The following HMOX2 variants were observed in gnomAD, a reference collection of about 807,000 sequenced individuals.
HMOX2 encodes the protein heme oxygenase (decycling) 2.
HMOX2 carries 30 observed loss-of-function variants against 33.7 expected under a neutral mutation model. The ratio of observed to expected loss-of-function variants is 0.89; its 90% confidence interval spans 0.67 to 1.21. The LOEUF (loss-of-function observed/expected upper bound fraction) is 1.21, where lower values mean the gene tolerates loss of function less well. Ranked by LOEUF, HMOX2 falls within the 50% of genes most tolerant of loss-of-function variation. HMOX2 has a pLI of 0.00. For synonymous variants in HMOX2, 155 were observed against 155.0 expected (o/e 1.00, Z 0.00); for missense variants, 403 against 399.1 (o/e 1.01, Z -0.08).
intron 1 of HMOX2, among the ~76,000 whole-genome samples, chr16:4,489,516 G>A (rs899377337): frequency 6.6e-6 from 1 of 152,272 alleles, no homozygotes; most frequent in East Asian, 1.9e-4. Flanking sequence ...CTGGAGTGCA[G>A]TGGCACGGTC....
rs753522599 is a variant in HMOX2 at position 4,506,909 on chromosome 16, C to T, written c.101C>T (p.Ser34Leu). 5 of 1,613,376 alleles carry T rather than the reference C, an allele frequency of 3.1e-6. No individual in the cohort carries two copies. Among genetic ancestry groups the T allele is most frequent in the East Asian group, 2.2e-5 (1 of 44,874 alleles). The change falls in exon 3 of 6, where the codon TCG (serine) becomes TTG (leucine). Residue 34 changes from serine to leucine, a missense_variant. Ser to Leu is a moderately radical substitution (Grantham distance 145, BLOSUM62 -2). Coordinates refer to ENST00000570646, the MANE Select transcript of HMOX2 (RefSeq NM_002134.4). Reference protein sequence around the residue: ...KENQMRMADLSELLKEGTKEA... With the variant: ...KENQMRMADLLELLKEGTKEA... Reference sequence around the variant, plus strand: ...TCTCTCCACAGAATGGCTGACCTCTCGGAGCTCCTGAAGGAAGGGACCAAG... The same window carrying T: ...TCTCTCCACAGAATGGCTGACCTCTTGGAGCTCCTGAAGGAAGGGACCAAG...
intron 1 of HMOX2, among the ~76,000 whole-genome samples, chr16:4,499,188 G>A (rs1392899398): frequency 6.6e-6 from 1 of 152,350 alleles, no homozygotes; most frequent in East Asian, 1.9e-4. Context: ...GACTTCCTCA[G>A]TAAGAGCTCA....
intron 1 of HMOX2, among the ~76,000 whole-genome samples, chr16:4,487,667 G>A (rs1029409467): frequency 9.2e-5 from 14 of 152,240 alleles, no homozygotes; most frequent in African/African-American, 3.1e-4. Flanking sequence ...GGGCGTGGTG[G>A]CTGGCGCCTG....
intron 1 of HMOX2, among the ~76,000 whole-genome samples, chr16:4,490,238 T>G (rs2058272753): frequency 6.6e-6 from 1 of 152,190 alleles, no homozygotes; most frequent in East Asian, 1.9e-4. Flanking sequence ...AGCACAAGCT[T>G]TTTCTTGGAG....
chr16:4,507,220 G>A (rs557453583), intron 3 of HMOX2, among the ~76,000 whole-genome samples: 1 of 152,256 alleles, frequency 6.6e-6, no homozygotes, highest in African/African-American at 2.4e-5. Flanking sequence ...CGAGGCAGGT[G>A]GATCACTTGA....
chr16:4,507,878 C>G lies in HMOX2; in HGVS notation c.370C>G (p.Gln124Glu). 2 of 1,614,174 alleles carry G rather than the reference C, an allele frequency of 1.2e-6. No homozygotes were observed. Among genetic ancestry groups the G allele is most frequent in the Admixed American group, 1.7e-5 (1 of 60,022 alleles). The change falls in exon 4 of 6, where the codon CAG (glutamine) becomes GAG (glutamate). Residue 124 changes from glutamine to glutamate, a missense_variant. Physicochemically the swap from Gln to Glu is conservative, Grantham distance 29. Coordinates refer to ENST00000570646, the MANE Select transcript of HMOX2 (RefSeq NM_002134.4). Reference protein sequence around the residue: ...EYFFGENWEEQVQCPKAAQKY... With the variant: ...EYFFGENWEEEVQCPKAAQKY... ...TTTCTTTGGTGAAAACTGGGAGGAG[C>G]AGGTGCAGTGCCCCAAGGCTGCCCA... is the stretch of plus-strand genomic sequence containing the variant.
intron 2 of HMOX2, among the ~76,000 whole-genome samples, chr16:4,505,978 C>T (rs1222551346): frequency 1.3e-5 from 2 of 152,208 alleles, no homozygotes; most frequent in Non-Finnish European, 2.9e-5. Flanking sequence ...GCAGGGCAGC[C>T]TTTCCTTACT....
rs1167653526 is a variant in HMOX2 at position 4,509,810 on chromosome 16, CCT to C, written c.*55_*56del. 10 of 1,567,496 alleles carry C rather than the reference CCT, an allele frequency of 6.4e-6. No homozygotes were observed. Among genetic ancestry groups the C allele is most frequent in the Non-Finnish European group, 4.3e-6 (5 of 1,151,444 alleles). ...CCTCCCGACTGACCACTGGCCTACC[CCT>C]TTCTCCAGCCCTGACTAAACTACCA... On this transcript the variant is annotated 3_prime_UTR_variant, in exon 6 of 6. Coordinates refer to ENST00000570646, the MANE Select transcript of HMOX2 (RefSeq NM_002134.4).
At chr16:4,504,333 C>G (rs991541587) in intron 1 of HMOX2, among the ~76,000 whole-genome samples, 1 of 127,912 alleles carries the variant, frequency 7.8e-6, no homozygotes, top group Non-Finnish European at 1.7e-5. Context: ...TTGAGGTTTT[C>G]TTTGTTTTTG....
intron 1 of HMOX2, among the ~76,000 whole-genome samples, chr16:4,504,354 ATTTT>A (rs34314976): frequency 1.4e-5 from 1 of 72,884 alleles, no homozygotes; most frequent in Non-Finnish European, 2.7e-5. Context: ...GTAACTTTCA[ATTTT>A]TTTTTTTTTT....
chr16:4,487,180 GC>G (rs1376414777), intron 1 of HMOX2, among the ~76,000 whole-genome samples: 1 of 152,066 alleles, frequency 6.6e-6, no homozygotes, highest in African/African-American at 2.4e-5. Flanking sequence ...TATCACCTGA[GC>G]CCAGGAGTTG....
At chr16:4,475,424 C>T (rs1421150759), upstream of HMOX2, among the ~76,000 whole-genome samples, 3 of 151,952 alleles carry the variant, frequency 2.0e-5, no homozygotes, top group African/African-American at 7.2e-5. Flanking sequence ...TCTCCTGCCT[C>T]AGTTTCCTGA....
rs749192925 is a variant in HMOX2 at position 4,509,478 on chromosome 16, G to A, written c.763G>A (p.Val255Ile). The stretch of plus-strand genomic sequence containing the variant: ...AGAGACCTTGGAGGATGGGTTCCCT[G>A]TACACGATGGGAAAGGAGACATGCG... ...ARETLEDGFP[V>I]HDGKGDMRKC... Residue 255 changes from valine (V) to isoleucine (I), a missense_variant, in exon 5 of 6, where the codon GTA becomes ATA. Val to Ile is a conservative substitution (Grantham distance 29, BLOSUM62 3). Coordinates refer to ENST00000570646, the MANE Select transcript of HMOX2 (RefSeq NM_002134.4). 1.2e-6 allele frequency: 2 copies of A among 1,614,192 alleles called. No individual in the cohort carries two copies. Among genetic ancestry groups the A allele is most frequent in the South Asian group, 2.2e-5 (2 of 91,086 alleles).
At chr16:4,476,286 C>T (rs1223531105), upstream of HMOX2, 2 of 152,322 alleles carry the variant, frequency 1.3e-5, no homozygotes, top group South Asian at 2.1e-4. Context: ...TGGGGAAAGC[C>T]ACATACTCCG....
chr16:4,490,937 C>T (rs563177629), intron 1 of HMOX2, among the ~76,000 whole-genome samples: 3 of 152,182 alleles, frequency 2.0e-5, no homozygotes, highest in East Asian at 1.9e-4. Context: ...TGTGTGCGTG[C>T]GTGCAAGCAC....
At position 4,509,411 on chromosome 16, in the gene HMOX2, G is replaced by T; in HGVS notation, c.697-1G>T. 6.2e-7 allele frequency: 1 copy of T among 1,613,852 alleles called. No individual in the cohort carries two copies. The highest frequency in any genetic ancestry group is 8.5e-7 in the Non-Finnish European group (1 of 1,179,970). On this transcript the variant is annotated splice_acceptor_variant, in intron 4 of 5. Transcript: ENST00000570646. LOFTEE classifies it high-confidence loss of function. ...GCTCAGTCGATCCTCTGCTCCTGCAGATATTCAATGAACTGGACCAGGCCG... is the reference window on the plus strand; with the variant it reads ...GCTCAGTCGATCCTCTGCTCCTGCATATATTCAATGAACTGGACCAGGCCG...
intron 1 of HMOX2, among the ~76,000 whole-genome samples, chr16:4,501,486 C>G (rs941015758): frequency 1.3e-5 from 2 of 152,090 alleles, no homozygotes; most frequent in African/African-American, 4.8e-5. Flanking sequence ...CATAGTATGG[C>G]TGGGTATTAT....
At chr16:4,509,192 C>A (rs935948294) in intron 4 of HMOX2, among the ~76,000 whole-genome samples, 12 of 152,188 alleles carry the variant, frequency 7.9e-5, no homozygotes, top group East Asian at 1.9e-4. Flanking sequence ...CATCTCCCCA[C>A]AAAATTTAAA....
At chr16:4,485,419 T>G (rs2058143275) in intron 1 of HMOX2, among the ~76,000 whole-genome samples, 2 of 152,188 alleles carry the variant, frequency 1.3e-5, no homozygotes, top group South Asian at 4.1e-4. Context: ...AAGCATAGTC[T>G]TTGTTTACTA....
Sources: gnomAD v4.1 joint callset for allele counts (sites outside exome capture counted in the v4.1 genomes callset) on GRCh38, gnomAD v4.1.1 for gene constraint, MANE v1.5 for transcripts, NCBI Gene and HGNC (gene_info 2026-07-23, HGNC 2026-07-21) for gene names.